RAB7A: variants seen among roughly 807,000 people sequenced by gnomAD.
The protein encoded by RAB7A is RAB7A, member RAS oncogene family.
Under a neutral mutation model 24.5 loss-of-function variants are expected in RAB7A, and 2 were observed. The observed-to-expected ratio is 0.08, with a 90% confidence interval of 0.03 to 0.26. The LOEUF (loss-of-function observed/expected upper bound fraction) is 0.26. Among genes scored for constraint, RAB7A ranks in the 10% least tolerant of loss-of-function variants. The pLI is 1.00. For missense variants in RAB7A, 118 were observed against 255.7 expected, an observed-to-expected ratio of 0.46 and a Z score of 3.67; for synonymous variants, 100 against 95.9, an observed-to-expected ratio of 1.04 and a Z score of -0.25.
intron 1 of RAB7A, among the ~76,000 whole-genome samples, chr3:128,768,838 C>T (rs1182392438): frequency 4.0e-5 from 6 of 151,638 alleles, no homozygotes; most frequent in African/African-American, 1.2e-4. Context: ...GGATTACAGG[C>T]GTGAGACACT....
At chr3:128,796,434 A>C (rs1933579212) in intron 2 of RAB7A, among the ~76,000 whole-genome samples, 1 of 152,168 alleles carries the variant, frequency 6.6e-6, no homozygotes, top group African/African-American at 2.4e-5. Flanking sequence ...CCCGAGTGAC[A>C]GAGCAAGACC....
chr3:128,798,097 C>G, intron 3 of RAB7A, 28 bp downstream of exon 3: 1 of 1,612,636 alleles, frequency 6.2e-7, no homozygotes, highest in Non-Finnish European at 8.5e-7. Context: ...CTGTGCTGAC[C>G]AGGCCTTGAT....
chr3:128,813,321 G>T lies in RAB7A; in HGVS notation c.529-6G>T. The T allele has an allele frequency of 6.2e-7, 1 of 1,613,330 alleles. No homozygotes were observed. Among genetic ancestry groups the T allele is most frequent in the East Asian group, 2.2e-5 (1 of 44,884 alleles). On this transcript the variant is annotated splice_polypyrimidine_tract_variant and splice_region_variant and intron_variant, in intron 5 of 5. Transcript: ENST00000265062. Reference sequence around the variant, plus strand: ...GTAACCAACCTTTCTCTGTTTCCTTGTCCAGGAAACGGAGGTGGAGCTGTA... The same window carrying T: ...GTAACCAACCTTTCTCTGTTTCCTTTTCCAGGAAACGGAGGTGGAGCTGTA...
intron 1 of RAB7A, among the ~76,000 whole-genome samples, chr3:128,759,080 A>G (rs1050016552): frequency 6.6e-6 from 1 of 152,196 alleles, no homozygotes; most frequent in African/African-American, 2.4e-5. Flanking sequence ...CTTCTGTTCA[A>G]ATTCTTTTTC....
chr3:128,756,459 A>G (rs982245388), intron 1 of RAB7A, among the ~76,000 whole-genome samples: 2 of 152,196 alleles, frequency 1.3e-5, no homozygotes, highest in African/African-American at 4.8e-5. Context: ...TAAATTAGGT[A>G]GGAGAAAGAC....
intron 3 of RAB7A, 88 bp downstream of exon 3, chr3:128,798,157 G>A (rs1344076584): frequency 6.6e-7 from 1 of 1,512,028 alleles, no homozygotes; most frequent in Non-Finnish European, 9.2e-7. Context: ...TTCCTTCCCT[G>A]TTCTTCAAAT....
intron 4 of RAB7A, among the ~76,000 whole-genome samples, chr3:128,807,039 C>T (rs1348004941): frequency 6.6e-6 from 1 of 152,220 alleles, no homozygotes; most frequent in Non-Finnish European, 1.5e-5. Flanking sequence ...TTATTTCTGA[C>T]CACAGATCTT....
Position 128,813,586 on chromosome 3 carries a change from C to G in RAB7A, c.*164C>G, listed in dbSNP as rs1041117456. On this transcript the variant is annotated 3_prime_UTR_variant, in exon 6 of 6. Transcript: ENST00000265062. Reference sequence around the variant, plus strand: ...ACACAGTTACACCCCACATATCTCTCACACACACACACACACGCACACACA... The same window carrying G: ...ACACAGTTACACCCCACATATCTCTGACACACACACACACACGCACACACA... 2 of 528,628 alleles carry G rather than the reference C, an allele frequency of 3.8e-6. No homozygotes were observed. Among genetic ancestry groups the G allele is most frequent in the African/African-American group, 4.0e-5 (2 of 49,876 alleles). The allele number at this position is 528,628 out of a possible 1,614,324, so 32.7% of individuals were successfully genotyped here. A position where few individuals can be genotyped will look rare whatever the true frequency, so the allele number is the denominator to read the frequency against.
At chr3:128,739,587 C>T (rs887722073) in intron 1 of RAB7A, among the ~76,000 whole-genome samples, 20 of 151,266 alleles carry the variant, frequency 1.3e-4, no homozygotes, top group Admixed American at 1.2e-3. Flanking sequence ...TAATTCAAAA[C>T]GTTTATTTTT....
At chr3:128,807,493 T>C (rs1392913321) in intron 4 of RAB7A, 50 bp from the exon 5 acceptor site, 3 of 1,612,396 alleles carry the variant, frequency 1.9e-6, no homozygotes, top group African/African-American at 2.7e-5. Context: ...ATGGAGTCAG[T>C]GCTGGCTGCT....
At chr3:128,772,296 G>A (rs536308364) in intron 1 of RAB7A, among the ~76,000 whole-genome samples, 6 of 152,266 alleles carry the variant, frequency 3.9e-5, no homozygotes, top group African/African-American at 1.2e-4. Context: ...TAACCTAGAA[G>A]GATGTGTTCC....
chr3:128,734,706 C>T (rs1023339287), intron 1 of RAB7A, among the ~76,000 whole-genome samples: 3 of 152,054 alleles, frequency 2.0e-5, no homozygotes, highest in Non-Finnish European at 4.4e-5. Context: ...CACATTCTAT[C>T]GTACATATGC....
chr3:128,743,515 T>C (rs1470637397), intron 1 of RAB7A, among the ~76,000 whole-genome samples: 1 of 152,114 alleles, frequency 6.6e-6, no homozygotes, highest in Non-Finnish European at 1.5e-5. Flanking sequence ...GCCTGACTAA[T>C]TTTTTTTGTA....
chr3:128,776,694 C>T (rs754208887), intron 1 of RAB7A, among the ~76,000 whole-genome samples: 27 of 151,942 alleles, frequency 1.8e-4, no homozygotes, highest in Admixed American at 1.6e-3. Flanking sequence ...ATCTCTTCCA[C>T]GTACTGATTC....
intron 5 of RAB7A, among the ~76,000 whole-genome samples, chr3:128,811,859 AAAG>A (rs1486931402): frequency 2.0e-5 from 3 of 151,112 alleles, no homozygotes; most frequent in Admixed American, 6.6e-5. Flanking sequence ...AAAAAAAAAA[AAAG>A]AAAGAAATCA....
At chr3:128,761,892 G>A (rs2070778332) in intron 1 of RAB7A, among the ~76,000 whole-genome samples, 1 of 152,178 alleles carries the variant, frequency 6.6e-6, no homozygotes, top group Non-Finnish European at 1.5e-5. Context: ...GCCAAACTGT[G>A]GCACCAGCCC....
At chr3:128,764,337 A>G (rs529367180) in intron 1 of RAB7A, 13 of 597,356 alleles carry the variant, frequency 2.2e-5, no homozygotes, top group Middle Eastern at 4.5e-4. Flanking sequence ...AAGGAATGGT[A>G]CAAATCGAAG....
At chr3:128,808,924 A>G (rs1933860395) in intron 5 of RAB7A, among the ~76,000 whole-genome samples, 1 of 152,108 alleles carries the variant, frequency 6.6e-6, no homozygotes, top group African/African-American at 2.4e-5. Flanking sequence ...AGTGTTCCAG[A>G]ATGAAAGGGA....
intron 1 of RAB7A, among the ~76,000 whole-genome samples, chr3:128,780,853 G>A (rs1343707164): frequency 6.6e-6 from 1 of 152,192 alleles, no homozygotes; most frequent in Non-Finnish European, 1.5e-5. Flanking sequence ...ATGGGAGTGA[G>A]CCACTTAGTG....
Sources: allele counts gnomAD v4.1 joint callset (sites outside exome capture counted in the v4.1 genomes callset), GRCh38; gene constraint gnomAD v4.1.1; transcripts MANE v1.5; gene names NCBI Gene and HGNC (gene_info 2026-07-23, HGNC 2026-07-21).